MCPH1: variants seen among roughly 807,000 people sequenced by gnomAD.
MCPH1 encodes microcephalin.
A neutral mutation model predicts 84.5 loss-of-function variants in MCPH1; 104 were observed. The ratio of observed to expected loss-of-function variants is 1.23; its 90% CI spans 1.05 to 1.45. The LOEUF (loss-of-function observed/expected upper bound fraction) is 1.45. Ranked by LOEUF, MCPH1 falls within the 40% of genes most tolerant of loss-of-function variation. The pLI is 0.00. For missense variants in MCPH1, 1,498 were observed against 1,005.7 expected, an observed-to-expected ratio of 1.49 and a Z score of -6.62; for synonymous variants, 514 against 366.8, an observed-to-expected ratio of 1.40 and a Z score of -4.58.
chr8:6,539,173 C>A (rs1012373656), intron 12 of MCPH1, among the ~76,000 whole-genome samples: 8 of 152,180 alleles, frequency 5.3e-5, no homozygotes, highest in Non-Finnish European at 1.2e-4. Flanking sequence ...TCCTCCTAAA[C>A]CCCTCGCCAG....
chr8:6,542,296 G>GTGTGTGTGTGTGTGTATC (rs1407122020), intron 12 of MCPH1, among the ~76,000 whole-genome samples: 1 of 151,934 alleles, frequency 6.6e-6, no homozygotes, highest in African/African-American at 2.4e-5. Context: ...GTAGGGGTGT[G>GTGTGTGTGTGTGTGTATC]TGTGTGTGTG....
At chr8:6,537,990 G>C (rs558096128) in intron 12 of MCPH1, among the ~76,000 whole-genome samples, 1 of 152,234 alleles carries the variant, frequency 6.6e-6, no homozygotes, top group South Asian at 2.1e-4. Flanking sequence ...AGGGTCTAAA[G>C]ACCTTGAATT....
chr8:6,425,745 C>A (rs898055488), intron 3 of MCPH1, among the ~76,000 whole-genome samples: 2 of 152,208 alleles, frequency 1.3e-5, no homozygotes, highest in Admixed American at 6.5e-5. Flanking sequence ...AAATGATCTT[C>A]TCTGCTCCTC....
At chr8:6,432,793 T>C (rs1238062172) in intron 4 of MCPH1, among the ~76,000 whole-genome samples, 1 of 152,264 alleles carries the variant, frequency 6.6e-6, no homozygotes, top group Non-Finnish European at 1.5e-5. Context: ...TCTTACCTGA[T>C]TATAGGTGAA....
At chr8:6,603,010 T>C (rs1402714351) in intron 12 of MCPH1, among the ~76,000 whole-genome samples, 2 of 152,054 alleles carry the variant, frequency 1.3e-5, no homozygotes, top group African/African-American at 4.8e-5. Flanking sequence ...GCCGGTGTAC[T>C]ATAAACCCAG....
At chr8:6,627,476 G>A (rs1173503438) in intron 13 of MCPH1, among the ~76,000 whole-genome samples, 1 of 152,174 alleles carries the variant, frequency 6.6e-6, no homozygotes, top group African/African-American at 2.4e-5. Context: ...CAGACAATAT[G>A]AAGAATTATT....
intron 13 of MCPH1, among the ~76,000 whole-genome samples, chr8:6,641,430 A>G (rs1797927424): frequency 6.6e-6 from 1 of 152,268 alleles, no homozygotes; most frequent in South Asian, 2.1e-4. Flanking sequence ...TGAAACTTAT[A>G]CATGGCAAAA....
At chr8:6,492,878 C>T (rs748201526) in intron 11 of MCPH1, among the ~76,000 whole-genome samples, 29 of 151,834 alleles carry the variant, frequency 1.9e-4, no homozygotes, top group African/African-American at 4.8e-4. Flanking sequence ...CTGCATACTG[C>T]GCTTTGCCAT....
At chr8:6,581,247 C>A (rs1195674316) in intron 12 of MCPH1, among the ~76,000 whole-genome samples, 1 of 152,180 alleles carries the variant, frequency 6.6e-6, no homozygotes, top group East Asian at 1.9e-4. Context: ...GGAATGCTAA[C>A]CATGTGGGAA....
chr8:6,562,627 C>A, intron 12 of MCPH1: 1 of 1,291,354 alleles, frequency 7.7e-7, no homozygotes, highest in East Asian at 4.1e-5. Flanking sequence ...TTCACAAAGA[C>A]AGATGGATTT....
At chr8:6,523,890 ATT>A (rs367933701) in intron 12 of MCPH1, among the ~76,000 whole-genome samples, 4 of 144,038 alleles carry the variant, frequency 2.8e-5, no homozygotes, top group Admixed American at 1.4e-4. Flanking sequence ...CCTGGCTGGC[ATT>A]TTTTTTTTTT....
At position 6,466,334 on chromosome 8, in the gene MCPH1, G is replaced by T. The variant is rs189391111; in HGVS notation, c.1935+11082G>T. On this transcript the variant is annotated intron_variant, in intron 9 of 13. Transcript: ENST00000344683. ...TTTTTTTTTGAGATGGAGTCTTGGAGTCTCGCTCTGTTGCTGAGGCTGGAG... is the reference window on the plus strand; with the variant it reads ...TTTTTTTTTGAGATGGAGTCTTGGATTCTCGCTCTGTTGCTGAGGCTGGAG... Among the ~76,000 whole-genome samples the T allele has an allele frequency of 1.2e-3, 177 of 148,942 alleles. 3 individuals are homozygous for T. The East Asian group carries it at 0.029, about 24-fold the overall frequency.
At chr8:6,549,300 G>A (rs1388786891) in intron 12 of MCPH1, among the ~76,000 whole-genome samples, 1 of 152,228 alleles carries the variant, frequency 6.6e-6, no homozygotes, top group Non-Finnish European at 1.5e-5. Flanking sequence ...ACTTTAACAT[G>A]CACAACAACA....
At chr8:6,507,506 G>A (rs1328488893) in intron 12 of MCPH1, 4 of 150,728 alleles carry the variant, frequency 2.7e-5, no homozygotes, top group Non-Finnish European at 1.5e-5. Context: ...CAGTCACTAA[G>A]TAGCGTTTGT....
At chr8:6,518,213 C>T (rs1816657539) in intron 12 of MCPH1, among the ~76,000 whole-genome samples, 1 of 152,196 alleles carries the variant, frequency 6.6e-6, no homozygotes, top group Non-Finnish European at 1.5e-5. Flanking sequence ...ATCCCCATTT[C>T]ACATGCATCC....
chr8:6,495,199 C>G (rs554977942), intron 11 of MCPH1, among the ~76,000 whole-genome samples: 44 of 152,148 alleles, frequency 2.9e-4, no homozygotes, highest in Non-Finnish European at 5.1e-4. Context: ...CTATTGACAT[C>G]CCCAATTTTT....
chr8:6,442,086 G>T lies in MCPH1; in HGVS notation c.600G>T (p.Gln200His), dbSNP rs780599854. ...LSPTSSQMIQ[Q>H]SHDNPSNSLC... ...TTTTAGCTTCCCAAATGATTCAGCAGTCTCATGATAATCCAAGTAACTCTC... is the reference window on the plus strand; with the variant it reads ...TTTTAGCTTCCCAAATGATTCAGCATTCTCATGATAATCCAAGTAACTCTC... Residue 200 changes from glutamine to histidine, a missense_variant, in exon 7 of 14, where the codon CAG (glutamine) becomes CAT (histidine). Coordinates refer to ENST00000344683, the MANE Select transcript of MCPH1 (RefSeq NM_024596.5). 1 of 1,612,828 alleles carries T rather than the reference G, an allele frequency of 6.2e-7. No individual in the cohort carries two copies. The highest frequency in any genetic ancestry group is 1.1e-5 in the South Asian group (1 of 91,066).
Position 6,438,977 on chromosome 8 carries a change from T to G in MCPH1, c.461T>G (p.Phe154Cys), listed in dbSNP as rs775015523. The G allele has an allele frequency of 9.9e-6, 16 of 1,612,304 alleles. No homozygotes were observed. Among genetic ancestry groups the G allele is most frequent in the Non-Finnish European group, 1.4e-5 (16 of 1,178,784 alleles). The change falls in exon 6 of 14, where the codon TTT becomes TGT. Residue 154 changes from phenylalanine (F) to cysteine (C), a missense_variant. Coordinates refer to ENST00000344683, the MANE Select transcript of MCPH1 (RefSeq NM_024596.5). ...GATGATGATGTACCTATTCTCTTAT[T>G]TGAATCTAATGGTTCATTAATATAT... ...NLDDDVPILL[F>C]ESNGSLIYTP...
intron 12 of MCPH1, among the ~76,000 whole-genome samples, chr8:6,604,231 C>T (rs2515549): frequency 2.6e-5 from 4 of 151,928 alleles, no homozygotes. Flanking sequence ...TGGAGCCATC[C>T]CAGACACAGC....
Sources: allele counts gnomAD v4.1 joint callset (sites outside exome capture counted in the v4.1 genomes callset), GRCh38; gene constraint gnomAD v4.1.1; transcripts MANE v1.5; gene names NCBI Gene and HGNC (gene_info 2026-07-23, HGNC 2026-07-21).